Variants in MERTK observed in about 807,000 individuals in gnomAD.
The protein encoded by MERTK is tyrosine-protein kinase Mer.
MERTK carries 69 observed loss-of-function variants against 99.3 expected under a neutral mutation model. The observed-to-expected ratio is 0.70, with a 90% confidence interval of 0.57 to 0.85. MERTK has a LOEUF of 0.85. Ranked by LOEUF, MERTK falls within the 40% of genes least tolerant of loss-of-function variation. The probability of loss-of-function intolerance (pLI) is 0.00; values close to 1 mark genes in which losing one functional copy is unlikely to be tolerated. For missense variants in MERTK, 1,125 were observed against 1,249.4 expected, an observed-to-expected ratio of 0.90 and a Z score of 1.50; for synonymous variants, 426 against 467.6, an observed-to-expected ratio of 0.91 and a Z score of 1.15.
chr2:111,921,236 C>T (rs1195738390), intron 1 of MERTK, among the ~76,000 whole-genome samples: 4 of 151,986 alleles, frequency 2.6e-5, no homozygotes, highest in Non-Finnish European at 4.4e-5. Flanking sequence ...ATTCCAGATG[C>T]AAAAGCCTTT....
In MERTK at chr2:111,951,477, A is replaced by G. The variant is rs1415767372; in HGVS notation, c.757+3910A>G. Among the ~76,000 whole-genome samples the G allele has an allele frequency of 3.6e-5, 5 of 139,812 alleles. No homozygotes were observed. The East Asian group carries it at 1.0e-3, about 28-fold the overall frequency. 91.7% of individuals were successfully genotyped at this position (139,812 alleles called of 152,430 possible). Reference sequence around the variant, plus strand: ...GTCTTCCAGTTTCATCCATGTTGTCATAAATGCCAGGATTTTCTTTTTTGT... The same window carrying G: ...GTCTTCCAGTTTCATCCATGTTGTCGTAAATGCCAGGATTTTCTTTTTTGT... On this transcript the variant is annotated intron_variant, in intron 4 of 18. Transcript: ENST00000295408.
chr2:111,934,303 C>A (rs187736653), intron 2 of MERTK, among the ~76,000 whole-genome samples: 77 of 152,318 alleles, frequency 5.1e-4, no homozygotes, highest in African/African-American at 1.8e-3. Context: ...GCCACACTAT[C>A]TTCCACAAAG....
In MERTK at chr2:111,953,131, G is replaced by T. The variant is rs148012196; in HGVS notation, c.757+5564G>T. On this transcript the variant is annotated intron_variant, in intron 4 of 18. Coordinates refer to ENST00000295408, the MANE Select transcript of MERTK (RefSeq NM_006343.3). ...CACCAGAAGGTGCTTCTGAATGTGGGTGTGCATGATGAATTCACTCTCCAT... is the reference window on the plus strand; with the variant it reads ...CACCAGAAGGTGCTTCTGAATGTGGTTGTGCATGATGAATTCACTCTCCAT... 5.5e-3 allele frequency among the ~76,000 whole-genome samples: 831 copies of T among 152,242 alleles called. 9 individuals are homozygous for T. Among genetic ancestry groups the T allele is most frequent in the African/African-American group, 0.019 (802 of 41,528 alleles).
At chr2:112,015,242 A>C (rs1677194473) in intron 15 of MERTK, among the ~76,000 whole-genome samples, 1 of 152,180 alleles carries the variant, frequency 6.6e-6, no homozygotes. Flanking sequence ...TTAACCTTAT[A>C]AGAACTGTTT....
chr2:112,002,696 G>A (rs967545888), intron 11 of MERTK, among the ~76,000 whole-genome samples: 19 of 152,134 alleles, frequency 1.2e-4, no homozygotes, highest in African/African-American at 4.3e-4. Flanking sequence ...AAAAGGGGCC[G>A]GCTATGGTGG....
chr2:111,929,054 G>A (rs1211328737), intron 1 of MERTK, 66 bp from the exon 2 acceptor site: 7 of 1,585,484 alleles, frequency 4.4e-6, no homozygotes, highest in Admixed American at 3.4e-5. Context: ...GGCCTAAGAA[G>A]TTGGGAACCT....
At chr2:111,931,703 A>G (rs1297074246) in intron 2 of MERTK, among the ~76,000 whole-genome samples, 1 of 151,898 alleles carries the variant, frequency 6.6e-6, no homozygotes. Flanking sequence ...AAAAAAAAAA[A>G]AGAAGTGAAT....
intron 8 of MERTK, among the ~76,000 whole-genome samples, chr2:111,993,006 T>G (rs955232610): frequency 1.3e-5 from 2 of 152,106 alleles, no homozygotes; most frequent in African/African-American, 4.8e-5. Flanking sequence ...ATGATAGTGT[T>G]GGAATTGAAC....
At chr2:111,972,843 A>G (rs1352361316) in intron 6 of MERTK, among the ~76,000 whole-genome samples, 1 of 152,224 alleles carries the variant, frequency 6.6e-6, no homozygotes, top group African/African-American at 2.4e-5. Flanking sequence ...CACTGGGGTT[A>G]ATCAGCACAA....
At chr2:111,902,796 C>T (rs1044545801) in intron 1 of MERTK, among the ~76,000 whole-genome samples, 1 of 23,408 alleles carries the variant, frequency 4.3e-5, no homozygotes, top group Non-Finnish European at 1.2e-4. Context: ...CTTCCTCCCT[C>T]CCTCCCTCCC....
At chr2:112,027,081 A>G (rs963734360) in intron 18 of MERTK, among the ~76,000 whole-genome samples, 2 of 152,044 alleles carry the variant, frequency 1.3e-5, no homozygotes, top group Non-Finnish European at 2.9e-5. Context: ...TGAGCCCAGG[A>G]GTTCAGGGGT....
intron 4 of MERTK, among the ~76,000 whole-genome samples, chr2:111,953,211 C>T (rs1464668850): frequency 2.0e-5 from 3 of 152,202 alleles, no homozygotes; most frequent in African/African-American, 7.2e-5. Flanking sequence ...TGGAAATCCT[C>T]ACTAACATTT....
intron 13 of MERTK, among the ~76,000 whole-genome samples, chr2:112,007,210 G>A (rs1015238833): frequency 2.6e-5 from 4 of 151,974 alleles, no homozygotes; most frequent in African/African-American, 4.8e-5. Context: ...GCTGGAGTGC[G>A]GTAGCACGAT....
At chr2:111,915,330 G>A (rs769948794) in intron 1 of MERTK, among the ~76,000 whole-genome samples, 1 of 149,896 alleles carries the variant, frequency 6.7e-6, no homozygotes, top group African/African-American at 2.5e-5. Flanking sequence ...CAAAGAATTT[G>A]TTGTTTGTTT....
At chr2:112,020,219 A>G (rs530161397) in intron 16 of MERTK, among the ~76,000 whole-genome samples, 1 of 151,550 alleles carries the variant, frequency 6.6e-6, no homozygotes, top group African/African-American at 2.4e-5. Flanking sequence ...TACCTCTTTC[A>G]CCTCATTTTT....
chr2:111,926,412 G>A (rs1573575614), intron 1 of MERTK, among the ~76,000 whole-genome samples: 1 of 152,106 alleles, frequency 6.6e-6, no homozygotes. Context: ...AGTGGCAAAG[G>A]TGAATTGTCA....
At chr2:111,922,958 GA>G (rs1684493288) in intron 1 of MERTK, among the ~76,000 whole-genome samples, 1 of 152,186 alleles carries the variant, frequency 6.6e-6, no homozygotes, top group African/African-American at 2.4e-5. Flanking sequence ...GAGTCTAAGA[GA>G]CTATTCACAA....
intron 2 of MERTK, among the ~76,000 whole-genome samples, chr2:111,939,296 C>T (rs1334440502): frequency 6.6e-6 from 1 of 152,004 alleles, no homozygotes; most frequent in African/African-American, 2.4e-5. Flanking sequence ...CAGTTCCACT[C>T]CCATTAATTC....
At chr2:112,003,839 G>A in intron 12 of MERTK, 65 bp from the exon 13 acceptor site, 1 of 1,391,558 alleles carries the variant, frequency 7.2e-7, no homozygotes, top group Non-Finnish European at 1.0e-6. Flanking sequence ...CTCTGGCACT[G>A]TAGCATTTCT....
Sources: allele counts gnomAD v4.1 joint callset (sites outside exome capture counted in the v4.1 genomes callset), GRCh38; gene constraint gnomAD v4.1.1; transcripts MANE v1.5; gene names NCBI Gene and HGNC (gene_info 2026-07-23, HGNC 2026-07-21).